Variants in TRAPPC12 observed in about 807,000 individuals in gnomAD.
TRAPPC12 encodes the protein TPR repeat protein 15.
In TRAPPC12, 61 loss-of-function variants were observed where a neutral mutation model predicts 69.2. The observed-to-expected ratio is 0.88, with a 90% confidence interval of 0.72 to 1.09. The LOEUF is 1.09. Among genes scored for constraint, TRAPPC12 ranks in the 50% least tolerant of loss-of-function variants. The pLI is 0.00. For missense variants in TRAPPC12, 1,101 were observed against 1,016.4 expected (o/e 1.08, Z -1.13); for synonymous variants, 469 against 438.9 (o/e 1.07, Z -0.86).
chr2:3,446,421 G>A (rs1351563210), intron 6 of TRAPPC12, among the ~76,000 whole-genome samples: 2 of 152,176 alleles, frequency 1.3e-5, no homozygotes, highest in African/African-American at 4.8e-5. Context: ...ACACCCTCTT[G>A]AGAGAGAGAG....
chr2:3,389,192 C>T (rs1660679654), intron 2 of TRAPPC12, among the ~76,000 whole-genome samples: 2 of 152,192 alleles, frequency 1.3e-5, no homozygotes, highest in Non-Finnish European at 2.9e-5. Context: ...GGGTTTTTTT[C>T]GGTGCCGCTT....
intron 5 of TRAPPC12, among the ~76,000 whole-genome samples, chr2:3,430,085 A>G (rs1663343319): frequency 6.6e-6 from 1 of 152,208 alleles, no homozygotes; most frequent in Non-Finnish European, 1.5e-5. Context: ...AGCTTTGTAA[A>G]TGTACATCAT....
At chr2:3,473,000 C>T (rs1558410401) in intron 9 of TRAPPC12, among the ~76,000 whole-genome samples, 1 of 152,172 alleles carries the variant, frequency 6.6e-6, no homozygotes, top group African/African-American at 2.4e-5. Context: ...ACACCGAGGG[C>T]GGGGACTTTT....
chr2:3,450,636 A>G (rs1197242637), intron 6 of TRAPPC12, among the ~76,000 whole-genome samples: 1 of 152,200 alleles, frequency 6.6e-6, no homozygotes, highest in African/African-American at 2.4e-5. Flanking sequence ...GCTTTGGAGC[A>G]GCTCCAAGAA....
rs116774203 is a variant in TRAPPC12 at position 3,398,993 on chromosome 2, G to A, written c.1048-2784G>A. On this transcript the variant is annotated intron_variant, in intron 2 of 11. Transcript: ENST00000324266. ...CCTCCCACCTCCCCTGCACAGTAAC[G>A]GCTAGAGGAGATGCAGTACAAGCGT... Among the ~76,000 whole-genome samples, 895 of 152,252 alleles carry A rather than the reference G, an allele frequency of 5.9e-3. 6 individuals are homozygous for A. Among genetic ancestry groups the A allele is most frequent in the African/African-American group, 0.02 (841 of 41,550 alleles).
At chr2:3,430,881 TG>T (rs1473774225) in intron 5 of TRAPPC12, among the ~76,000 whole-genome samples, 1 of 151,116 alleles carries the variant, frequency 6.6e-6, no homozygotes, top group Non-Finnish European at 1.5e-5. Context: ...CCGCTGGGTG[TG>T]GGAGGAGCTC....
At chr2:3,422,042 C>A (rs1662826918) in intron 4 of TRAPPC12, 48 bp downstream of exon 4, 6 of 1,451,692 alleles carry the variant, frequency 4.1e-6, no homozygotes, top group Non-Finnish European at 5.7e-6. Context: ...TTATCACAGT[C>A]TGGGGACATG....
intron 3 of TRAPPC12, among the ~76,000 whole-genome samples, chr2:3,405,893 TTC>T (rs1661702541): frequency 6.6e-6 from 1 of 152,118 alleles, no homozygotes; most frequent in South Asian, 2.1e-4. Flanking sequence ...GCAGTGAAGT[TTC>T]TCTTTTCTCT....
At chr2:3,457,900 C>G in intron 7 of TRAPPC12, 1 of 1,419,050 alleles carries the variant, frequency 7.0e-7, no homozygotes, top group Non-Finnish European at 9.2e-7. Flanking sequence ...GCCTCAGACC[C>G]GAACCCTGCG....
Position 3,478,861 on chromosome 2 carries a change from C to G in TRAPPC12, c.1893C>G (p.Leu631=). The G allele has an allele frequency of 6.2e-7, 1 of 1,614,076 alleles. No individual in the cohort carries two copies. The highest frequency in any genetic ancestry group is 8.5e-7 in the Non-Finnish European group (1 of 1,180,024). The change falls in exon 11 of 12, where the codon CTC becomes CTG. Residue 631 remains leucine, a synonymous_variant. Coordinates refer to ENST00000324266, the MANE Select transcript of TRAPPC12 (RefSeq NM_016030.6). ...TGTGTTACAGCGCGTTCCTTCACCT[C>G]GGGCAGAATAACTTTGCAGAAGCCC... The part of the protein sequence containing the change: ...MVLMNSAFLH[L]GQNNFAEAHR...
At chr2:3,401,741 T>G (rs1001131375) in intron 2 of TRAPPC12, 36 bp from the exon 3 acceptor site, 1 of 1,424,420 alleles carries the variant, frequency 7.0e-7, no homozygotes. Flanking sequence ...GTTGACATTT[T>G]ATTGTCTTGA....
At chr2:3,402,357 C>G (rs1255156991) in intron 3 of TRAPPC12, among the ~76,000 whole-genome samples, 1 of 152,080 alleles carries the variant, frequency 6.6e-6, no homozygotes, top group African/African-American at 2.4e-5. Flanking sequence ...TTTGGGAGGC[C>G]AAGGCGGGCA....
intron 8 of TRAPPC12, chr2:3,463,147 C>CT (rs1182187969): frequency 1.6e-5 from 5 of 312,724 alleles, no homozygotes; most frequent in Non-Finnish European, 1.3e-5. Flanking sequence ...TGAGGAGCTT[C>CT]TTTTGGCCAT....
At chr2:3,417,825 C>T (rs894978592) in intron 3 of TRAPPC12, among the ~76,000 whole-genome samples, 85 of 151,682 alleles carry the variant, frequency 5.6e-4, no homozygotes, top group African/African-American at 1.8e-3. Context: ...GGCAGATCAC[C>T]GGAGGTCAGG....
chr2:3,394,389 G>T (rs911920195), intron 2 of TRAPPC12, among the ~76,000 whole-genome samples: 49 of 152,148 alleles, frequency 3.2e-4, no homozygotes, highest in African/African-American at 1.2e-3. Flanking sequence ...TTGGGAGTCC[G>T]AGGTGGGTGG....
chr2:3,412,933 G>A (rs1662144875), intron 3 of TRAPPC12, among the ~76,000 whole-genome samples: 1 of 152,158 alleles, frequency 6.6e-6, no homozygotes, highest in South Asian at 2.1e-4. Flanking sequence ...GACATAAATA[G>A]GAGTTGTATT....
intron 6 of TRAPPC12, among the ~76,000 whole-genome samples, chr2:3,450,582 G>A (rs1318685581): frequency 2.6e-5 from 4 of 152,156 alleles, no homozygotes; most frequent in Non-Finnish European, 4.4e-5. Flanking sequence ...GACCTCGCAT[G>A]GTGCCTGCCA....
intron 7 of TRAPPC12, among the ~76,000 whole-genome samples, chr2:3,459,132 T>C (rs547848943): frequency 3.3e-5 from 5 of 152,310 alleles, no homozygotes; most frequent in Admixed American, 2.0e-4. Context: ...GTGGGTCAGC[T>C]TCAGCCTCCT....
intron 1 of TRAPPC12, among the ~76,000 whole-genome samples, chr2:3,384,694 G>A (rs1660414580): frequency 1.3e-5 from 2 of 152,294 alleles, no homozygotes; most frequent in Non-Finnish European, 2.9e-5. Flanking sequence ...TTGCATGTGT[G>A]TTCATGAGTG....
Sources: allele counts gnomAD v4.1 joint callset (sites outside exome capture counted in the v4.1 genomes callset), GRCh38; gene constraint gnomAD v4.1.1; transcripts MANE v1.5; gene names NCBI Gene and HGNC (gene_info 2026-07-23, HGNC 2026-07-21).